The following PEX39 variants were observed in gnomAD, a reference collection of about 807,000 sequenced individuals.
The protein encoded by PEX39 is peroxisomal biogenesis factor 39, also known as peroxin-39.
the PEX39 span, chr6:42,890,692 CCTGGCCCTG>C: frequency 1.3e-5 from 21 of 1,612,650 alleles, no homozygotes; most frequent in South Asian, 2.3e-4. Context: ...CCCGGGAGTT[CCTGGCCCTG>C]CTGGACCAGC....
chr6:42,890,279 A>AT, the PEX39 span: 1 of 419,918 alleles, frequency 2.4e-6, no homozygotes, highest in East Asian at 3.6e-5. Context: ...ATCATAAAAC[A>AT]TTTTATTACA....
chr6:42,890,815 G>A, the PEX39 span: 1 of 1,547,412 alleles, frequency 6.5e-7, no homozygotes, highest in Admixed American at 1.9e-5. Flanking sequence ...TGACCGGCGT[G>A]TAATGCAGAG....
chr6:42,890,618 C>A, the PEX39 span: 4 of 1,612,290 alleles, frequency 2.5e-6, no homozygotes, highest in African/African-American at 2.7e-5. Context: ...AGGGCTTGGG[C>A]CTCCGCGGCA....
the PEX39 span, chr6:42,890,807 A>G: frequency 6.4e-7 from 1 of 1,554,594 alleles, no homozygotes; most frequent in South Asian, 1.2e-5. Context: ...GCGAATCCTG[A>G]CCGGCGTGTA....
the PEX39 span, chr6:42,890,636 C>G: frequency 6.2e-7 from 1 of 1,612,602 alleles, no homozygotes; most frequent in Non-Finnish European, 8.5e-7. Flanking sequence ...GCAGCCGGGA[C>G]GCTGTGGGTT....
the PEX39 span, chr6:42,890,331 C>A: frequency 1.6e-6 from 1 of 619,058 alleles, no homozygotes; most frequent in South Asian, 3.8e-5. Flanking sequence ...GTAACATGGT[C>A]CACAAATGTA....
the PEX39 span, chr6:42,890,808 C>T: frequency 1.9e-6 from 3 of 1,554,450 alleles, no homozygotes; most frequent in South Asian, 3.6e-5. Context: ...CGAATCCTGA[C>T]CGGCGTGTAA....
the PEX39 span, chr6:42,890,631 C>T: frequency 1.2e-6 from 2 of 1,612,648 alleles, no homozygotes; most frequent in Non-Finnish European, 1.7e-6. Context: ...CCGCGGCAGC[C>T]GGGACGCTGT....
chr6:42,890,807 A>C, the PEX39 span: 1 of 1,554,594 alleles, frequency 6.4e-7, no homozygotes, highest in Non-Finnish European at 8.7e-7. Context: ...GCGAATCCTG[A>C]CCGGCGTGTA....
the PEX39 span, chr6:42,890,625 G>C: frequency 3.1e-6 from 5 of 1,612,528 alleles, no homozygotes; most frequent in Non-Finnish European, 4.2e-6. Flanking sequence ...GGGCCTCCGC[G>C]GCAGCCGGGA....
At chr6:42,890,787 A>C in the PEX39 span, 3 of 1,569,584 alleles carry the variant, frequency 1.9e-6, no homozygotes, top group Admixed American at 3.7e-5. Flanking sequence ...GGGACGCTCC[A>C]TGTCGGGTCG....
the PEX39 span, chr6:42,890,405 T>C: frequency 7.2e-7 from 1 of 1,391,696 alleles, no homozygotes; most frequent in Non-Finnish European, 9.6e-7. Context: ...GACGAAAGCA[T>C]AAAAGATGAG....
the PEX39 span, chr6:42,890,658 G>A: frequency 5.6e-6 from 9 of 1,612,776 alleles, no homozygotes; most frequent in Middle Eastern, 6.6e-4. Flanking sequence ...GCCGTGGATC[G>A]CCGCGATGTG....
At chr6:42,890,634 G>A in the PEX39 span, 2 of 1,612,688 alleles carry the variant, frequency 1.2e-6, no homozygotes, top group Middle Eastern at 1.7e-4. Flanking sequence ...CGGCAGCCGG[G>A]ACGCTGTGGG....
At chr6:42,890,425 G>T in the PEX39 span, 2 of 1,456,482 alleles carry the variant, frequency 1.4e-6, no homozygotes, top group Non-Finnish European at 1.8e-6. Context: ...GTAACTGAAT[G>T]GCATCCCGGG....
At chr6:42,890,713 G>A in the PEX39 span, 2 of 1,611,618 alleles carry the variant, frequency 1.2e-6, no homozygotes, top group Non-Finnish European at 8.5e-7. Flanking sequence ...TGGACCAGCT[G>A]CAGGAGCTGC....
At chr6:42,890,282 T>G in the PEX39 span, 2 of 421,918 alleles carry the variant, frequency 4.7e-6, no homozygotes, top group African/African-American at 4.1e-5. Context: ...ATAAAACATT[T>G]TATTACATAT....
chr6:42,890,795 T>C, the PEX39 span: 6 of 1,561,166 alleles, frequency 3.8e-6, no homozygotes, highest in Non-Finnish European at 4.3e-6. Flanking sequence ...CCATGTCGGG[T>C]CGCGAATCCT....
chr6:42,890,591 C>T, the PEX39 span: 60 of 1,611,776 alleles, frequency 3.7e-5, no homozygotes, highest in African/African-American at 7.3e-4. Context: ...GGGACTCAGC[C>T]AAAGCCGCGG....
Sources: gnomAD v4.1 joint callset for allele counts on GRCh38, gnomAD v4.1.1 for gene constraint, MANE v1.5 for transcripts, NCBI Gene and HGNC (gene_info 2026-07-23, HGNC 2026-07-21) for gene names.